Variants in CPE observed in about 807,000 individuals in gnomAD.
The protein encoded by CPE is carboxypeptidase E, also known as carbocypeptidase E.
Under a neutral mutation model 53.5 loss-of-function variants are expected in CPE, and 17 were observed. The ratio of observed to expected loss-of-function variants is 0.32; its 90% confidence interval spans 0.22 to 0.48. The LOEUF (loss-of-function observed/expected upper bound fraction) is 0.48, where lower values mean the gene tolerates loss of function less well. Among genes scored for constraint, CPE ranks in the 20% least tolerant of loss-of-function variants. CPE has a pLI of 0.99. For synonymous variants in CPE, 226 were observed against 228.8 expected, an observed-to-expected ratio of 0.99 and a Z score of 0.11; for missense variants, 524 against 614.7, an observed-to-expected ratio of 0.85 and a Z score of 1.56.
chr4:165,443,819 T>C (rs1352498789), intron 1 of CPE, among the ~76,000 whole-genome samples: 1 of 152,192 alleles, frequency 6.6e-6, no homozygotes, highest in Admixed American at 6.5e-5. Flanking sequence ...GCCAATGTGA[T>C]GGCATGAGGG....
chr4:165,448,968 C>T (rs1731763203), intron 1 of CPE, among the ~76,000 whole-genome samples: 1 of 152,190 alleles, frequency 6.6e-6, no homozygotes, highest in South Asian at 2.1e-4. Flanking sequence ...ACTCCTGATG[C>T]CCTAGGTTTT....
chr4:165,381,183 G>A (rs945596183), intron 1 of CPE: 4 of 436,392 alleles, frequency 9.2e-6, no homozygotes, highest in Non-Finnish European at 1.8e-5. Context: ...TGATATTACA[G>A]TTAGAATGTG....
chr4:165,437,722 G>T (rs981198258), intron 1 of CPE, among the ~76,000 whole-genome samples: 2 of 152,158 alleles, frequency 1.3e-5, no homozygotes, highest in Non-Finnish European at 2.9e-5. Context: ...GCCAATCTGG[G>T]AGCAATCTGG....
chr4:165,428,331 C>T (rs1731355666), intron 1 of CPE, among the ~76,000 whole-genome samples: 1 of 152,174 alleles, frequency 6.6e-6, no homozygotes, highest in Non-Finnish European at 1.5e-5. Context: ...AGGCATGAGC[C>T]ATTGTGCCTG....
intron 1 of CPE, among the ~76,000 whole-genome samples, chr4:165,460,541 T>C (rs1187549177): frequency 6.6e-6 from 1 of 152,142 alleles, no homozygotes; most frequent in African/African-American, 2.4e-5. Flanking sequence ...CATTGAGGCC[T>C]CCTGATATTC....
At chr4:165,424,121 C>T (rs1055322924) in intron 1 of CPE, among the ~76,000 whole-genome samples, 6 of 137,962 alleles carry the variant, frequency 4.3e-5, no homozygotes, top group Non-Finnish European at 9.6e-5. Flanking sequence ...TAACTTCTTG[C>T]TGCATTTTTT....
intron 1 of CPE, among the ~76,000 whole-genome samples, chr4:165,441,486 C>G (rs1373996646): frequency 2.0e-5 from 3 of 152,132 alleles, no homozygotes; most frequent in African/African-American, 4.8e-5. Context: ...TTTGGGGGCT[C>G]TCTCAAGCCA....
At chr4:165,405,425 T>A in intron 1 of CPE, 4 of 890,484 alleles carry the variant, frequency 4.5e-6, no homozygotes, top group African/African-American at 1.6e-5. Flanking sequence ...GCTCCCTTGC[T>A]CAATTCCAGT....
intron 5 of CPE, among the ~76,000 whole-genome samples, chr4:165,486,462 G>A (rs1379845894): frequency 1.3e-5 from 2 of 151,984 alleles, no homozygotes; most frequent in African/African-American, 4.8e-5. Context: ...TTAAATTCTA[G>A]GACCCCAAAT....
Position 165,393,602 on chromosome 4 carries a change from A to T in CPE, c.307+14074A>T, listed in dbSNP as rs140897159. Reference sequence around the variant, plus strand: ...GCTTGGAACTCATTTTCTGATACACAGTTGGACACTCTTCTTAAAGTATTT... The same window carrying T: ...GCTTGGAACTCATTTTCTGATACACTGTTGGACACTCTTCTTAAAGTATTT... On this transcript the variant is annotated intron_variant, in intron 1 of 8. Transcript: ENST00000402744. Among the ~76,000 whole-genome samples, 490 of 152,326 alleles carry T rather than the reference A, an allele frequency of 3.2e-3. 3 individuals carry two copies. The highest frequency in any genetic ancestry group is 0.011 in the African/African-American group (459 of 41,574).
Position 165,484,449 on chromosome 4 carries a change from C to T in CPE, c.818C>T (p.Pro273Leu). Reference protein sequence around the residue: ...SGSAHEYSSSPDDAIFQSLAR... With the variant: ...SGSAHEYSSSLDDAIFQSLAR... The stretch of plus-strand genomic sequence containing the variant: ...AGTGCTCACGAATACAGCTCCTCCC[C>T]AGATGACGCCATTTTCCAAAGCTTG... Residue 273 changes from proline (P) to leucine (L), a missense_variant, in exon 5 of 9, where the codon CCA becomes CTA. Pro to Leu is a moderately conservative substitution (Grantham distance 98). Coordinates refer to ENST00000402744, the MANE Select transcript of CPE (RefSeq NM_001873.4). 6.2e-7 allele frequency: 1 copy of T among 1,614,014 alleles called. No homozygotes were observed. The highest frequency in any genetic ancestry group is 1.7e-5 in the Admixed American group (1 of 60,006).
chr4:165,436,354 C>T (rs1188614786), intron 1 of CPE, among the ~76,000 whole-genome samples: 6 of 152,116 alleles, frequency 3.9e-5, no homozygotes, highest in Non-Finnish European at 7.4e-5. Flanking sequence ...CATATAATCT[C>T]ATGGCTTTAG....
intron 1 of CPE, among the ~76,000 whole-genome samples, chr4:165,425,787 T>C (rs546098036): frequency 6.6e-6 from 1 of 152,256 alleles, no homozygotes; most frequent in Non-Finnish European, 1.5e-5. Flanking sequence ...TTGTCACAAC[T>C]CTGGGGAGAG....
Position 165,421,720 on chromosome 4 carries a change from A to G in CPE, c.307+42192A>G, listed in dbSNP as rs189248189. Among the ~76,000 whole-genome samples, 3 of 152,336 alleles carry G rather than the reference A, an allele frequency of 2.0e-5. No homozygotes were observed. The East Asian group carries it at 5.8e-4, about 29-fold the overall frequency. On this transcript the variant is annotated intron_variant, in intron 1 of 8. Transcript: ENST00000402744. ...ACATTTTCATCCATCTTATAATGCT[A>G]CTTAATATCATATCATGATTTAGAA...
At position 165,379,185 on chromosome 4, in the gene CPE, C is replaced by T; in HGVS notation, c.-37C>T. 1 of 1,221,258 alleles carries T rather than the reference C, an allele frequency of 8.2e-7. No homozygotes were observed. The highest frequency in any genetic ancestry group is 1.0e-6 in the Non-Finnish European group (1 of 982,712). The allele number at this position is 1,221,258 out of a possible 1,614,324, so 75.7% of individuals were successfully genotyped here. ...CCGGGCAGACAAAAGAGGCCGCCCGCGTAGGAAGGCACGGCCGGCGGCGGC... is the reference window on the plus strand; with the variant it reads ...CCGGGCAGACAAAAGAGGCCGCCCGTGTAGGAAGGCACGGCCGGCGGCGGC... On this transcript the variant is annotated 5_prime_UTR_variant, in exon 1 of 9. Transcript: ENST00000402744. This position sits in a 1 kb window ranked among gnomAD's most constrained non-coding sequence, Gnocchi z 6.0.
chr4:165,484,551 G>A lies in CPE; in HGVS notation c.920G>A (p.Ser307Asn). The change falls in exon 5 of 9, where the codon AGC becomes AAC. Residue 307 changes from serine (S) to asparagine (N), a missense_variant. Coordinates refer to ENST00000402744, the MANE Select transcript of CPE (RefSeq NM_001873.4). ...CCATGTCGCAAGAATGATGATGACA[G>A]CAGCTTTGTAGATGGAACCACCAAC... ...RPPCRKNDDD[S>N]SFVDGTTNGG... 6.2e-7 allele frequency: 1 copy of A among 1,614,140 alleles called. No homozygotes were observed. The highest frequency in any genetic ancestry group is 8.5e-7 in the Non-Finnish European group (1 of 1,179,986).
intron 1 of CPE, among the ~76,000 whole-genome samples, chr4:165,434,367 A>G (rs2126681351): frequency 6.6e-6 from 1 of 152,266 alleles, no homozygotes; most frequent in African/African-American, 2.4e-5. Context: ...AATGGGTGCA[A>G]GTTGGCAAGC....
At chr4:165,442,871 A>G (rs1189611144) in intron 1 of CPE, among the ~76,000 whole-genome samples, 2 of 152,168 alleles carry the variant, frequency 1.3e-5, no homozygotes, top group Admixed American at 6.5e-5. Flanking sequence ...GAATCCCTAT[A>G]TTACCTTGAG....
chr4:165,411,901 G>T (rs776777643), intron 1 of CPE, among the ~76,000 whole-genome samples: 19 of 152,138 alleles, frequency 1.2e-4, no homozygotes, highest in Non-Finnish European at 2.4e-4. Flanking sequence ...GGTAGTGGGG[G>T]CCAGAGAGTC....
Sources: gnomAD v4.1 joint callset for allele counts (sites outside exome capture counted in the v4.1 genomes callset) on GRCh38, gnomAD v4.1.1 for gene constraint, Gnocchi (gnomAD v3.1) non-coding constraint, MANE v1.5 for transcripts, NCBI Gene and HGNC (gene_info 2026-07-23, HGNC 2026-07-21) for gene names.